MAP2K4: variants seen among roughly 807,000 people sequenced by gnomAD.
MAP2K4 encodes the protein dual specificity mitogen-activated protein kinase kinase 4.
Under a neutral mutation model 48.5 loss-of-function variants are expected in MAP2K4, and 4 were observed. That is an observed-to-expected ratio of 0.08 (90% CI 0.04 to 0.19). The LOEUF is 0.19. Ranked by LOEUF, MAP2K4 falls within the 10% of genes least tolerant of loss-of-function variation. The pLI, the probability that MAP2K4 is intolerant of heterozygous loss-of-function variation, is 1.00. For synonymous variants in MAP2K4, 166 were observed against 173.1 expected, an observed-to-expected ratio of 0.96 and a Z score of 0.32; for missense variants, 258 against 493.3, an observed-to-expected ratio of 0.52 and a Z score of 4.52.
chr17:12,108,072 A>G (rs1972182100), intron 5 of MAP2K4, among the ~76,000 whole-genome samples, 163 bp downstream of exon 5: 1 of 152,294 alleles, frequency 6.6e-6, no homozygotes, highest in South Asian at 2.1e-4. Flanking sequence ...AGTTAACACA[A>G]TAGGTCATAA....
chr17:12,104,706 T>C (rs146925213), intron 4 of MAP2K4, among the ~76,000 whole-genome samples: 4 of 152,284 alleles, frequency 2.6e-5, no homozygotes, highest in Admixed American at 1.3e-4. Context: ...TTTAAACTTT[T>C]GGTATGTTGT....
Position 12,049,007 on chromosome 17 carries a change from G to A in MAP2K4, c.116-5882G>A, listed in dbSNP as rs535257910. Among the ~76,000 whole-genome samples, 8 of 152,198 alleles carry A rather than the reference G, an allele frequency of 5.3e-5. No homozygotes were observed. In the East Asian group the frequency reaches 1.4e-3, roughly 26 times the overall value. On this transcript the variant is annotated intron_variant, in intron 1 of 10. Coordinates refer to ENST00000353533, the MANE Select transcript of MAP2K4 (RefSeq NM_003010.4). ...ATGAAATATTAGGTCTCTCATTACC[G>A]TAGTAATTTAGGGAGAAAAGAGAAT...
intron 3 of MAP2K4, 40 bp from the exon 4 acceptor site, chr17:12,095,535 T>A: frequency 6.2e-7 from 1 of 1,611,706 alleles, no homozygotes; most frequent in Non-Finnish European, 8.5e-7. Context: ...TTTGACAAAA[T>A]TATTGTGTTT....
At chr17:12,116,803 G>C (rs1567668169) in intron 7 of MAP2K4, among the ~76,000 whole-genome samples, 1 of 152,128 alleles carries the variant, frequency 6.6e-6, no homozygotes, top group Non-Finnish European at 1.5e-5. Context: ...TGAAAGACCT[G>C]CCAGAAGCTG....
chr17:12,042,547 G>A (rs1214765498), intron 1 of MAP2K4, among the ~76,000 whole-genome samples: 1 of 151,972 alleles, frequency 6.6e-6, no homozygotes, highest in African/African-American at 2.4e-5. Context: ...AGGCTGAGGT[G>A]GGAGTATCGC....
Position 12,020,943 on chromosome 17 carries a change from C to T in MAP2K4, c.57C>T (p.Gly19=). The change falls in exon 1 of 11, where the codon GGC becomes GGT. Residue 19 remains glycine, a synonymous_variant. Coordinates refer to ENST00000353533, the MANE Select transcript of MAP2K4 (RefSeq NM_003010.4). Reference sequence around the variant, plus strand: ...GCTCCGGGGGCGGCAGCGGCAGCGGCACCCCCGGCCCCGTAGGGTCCCCGG... The same window carrying T: ...GCTCCGGGGGCGGCAGCGGCAGCGGTACCCCCGGCCCCGTAGGGTCCCCGG... ...GGGSGGGSGS[G]TPGPVGSPAP... is the part of the protein sequence containing the mutation. 4.9e-6 allele frequency: 6 copies of T among 1,217,244 alleles called. No homozygotes were observed. Among genetic ancestry groups the T allele is most frequent in the Non-Finnish European group, 6.1e-6 (6 of 978,842 alleles). 75.4% of individuals were successfully genotyped at this position (1,217,244 alleles called of 1,614,324 possible). A position where few individuals can be genotyped will look rare whatever the true frequency, so the allele number is the denominator to read the frequency against.
At chr17:12,057,105 G>GT (rs1970302981) in intron 2 of MAP2K4, among the ~76,000 whole-genome samples, 1 of 151,980 alleles carries the variant, frequency 6.6e-6, no homozygotes, top group Non-Finnish European at 1.5e-5. Context: ...AAAAAAAATT[G>GT]TAAGACAGTG....
chr17:12,080,670 A>C (rs1385911813), intron 2 of MAP2K4, among the ~76,000 whole-genome samples: 7 of 152,152 alleles, frequency 4.6e-5, no homozygotes, highest in Non-Finnish European at 8.8e-5. Context: ...CCAGCTAGCT[A>C]TTCAGTTAAC....
In MAP2K4 at chr17:12,081,626, T is replaced by A; in HGVS notation, c.393+96T>A. 7.9e-7 allele frequency: 1 copy of A among 1,263,728 alleles called. No individual in the cohort carries two copies. The highest frequency in any genetic ancestry group is 1.1e-6 in the Non-Finnish European group (1 of 905,554). The allele number at this position is 1,263,728 out of a possible 1,614,324, so 78.3% of individuals were successfully genotyped here. Reference sequence around the variant, plus strand: ...TGTTGTTGTGTTCCTACTTTTGTGGTAAATGTGGGTGTTTAAAAAATTGTT... The same window carrying A: ...TGTTGTTGTGTTCCTACTTTTGTGGAAAATGTGGGTGTTTAAAAAATTGTT... On this transcript the variant is annotated intron_variant, in intron 3 of 10. Coordinates refer to ENST00000353533, the MANE Select transcript of MAP2K4 (RefSeq NM_003010.4). This position sits in a 1 kb window ranked among gnomAD's most constrained non-coding sequence, Gnocchi z 4.2.
intron 2 of MAP2K4, among the ~76,000 whole-genome samples, chr17:12,063,191 G>A (rs923322724): frequency 2.0e-5 from 3 of 152,018 alleles, no homozygotes; most frequent in African/African-American, 7.3e-5. Flanking sequence ...GTAAGTTGGG[G>A]GACTTAAAAC....
chr17:12,136,514 A>G (rs1393674782), intron 9 of MAP2K4, among the ~76,000 whole-genome samples: 1 of 152,258 alleles, frequency 6.6e-6, no homozygotes, highest in Non-Finnish European at 1.5e-5. Context: ...TGCTCTGTCT[A>G]GTGTGGTAGC....
chr17:12,095,940 G>C (rs778047883), intron 4 of MAP2K4, among the ~76,000 whole-genome samples: 21 of 142,932 alleles, frequency 1.5e-4, no homozygotes, highest in Non-Finnish European at 2.8e-4. Flanking sequence ...TTTTAGTATT[G>C]GTGGCTGTCA....
Position 12,097,730 on chromosome 17 carries a change from A to G in MAP2K4, c.513+2036A>G, listed in dbSNP as rs78055340. On this transcript the variant is annotated intron_variant, in intron 4 of 10. Transcript: ENST00000353533. ...TTTTCCAGATAGGAAAATGAAATTT[A>G]GTGTGTTTGACAAAAGTTACACAGC... is the stretch of plus-strand genomic sequence containing the variant. 2.0e-4 allele frequency among the ~76,000 whole-genome samples: 31 copies of G among 152,364 alleles called. No individual in the cohort carries two copies. The East Asian group carries it at 5.8e-3, about 28-fold the overall frequency.
At chr17:12,094,987 G>C (rs1040542150) in intron 3 of MAP2K4, among the ~76,000 whole-genome samples, 17 of 152,164 alleles carry the variant, frequency 1.1e-4, no homozygotes, top group African/African-American at 4.1e-4. Context: ...TGCAGTTAAA[G>C]GACAGAGTCC....
chr17:12,140,036 T>A (rs1444952869), intron 10 of MAP2K4, 152 bp downstream of exon 10: 1 of 540,924 alleles, frequency 1.8e-6, no homozygotes, highest in Non-Finnish European at 3.2e-6. Flanking sequence ...CACAAAGATT[T>A]GGAAAGAGAA....
intron 2 of MAP2K4, among the ~76,000 whole-genome samples, chr17:12,060,036 C>T (rs1421050236): frequency 6.6e-6 from 1 of 151,856 alleles, no homozygotes; most frequent in Non-Finnish European, 1.5e-5. Flanking sequence ...AAATTAGCCA[C>T]GTGTGATGGT....
chr17:12,088,896 T>C (rs1196999338), intron 3 of MAP2K4, among the ~76,000 whole-genome samples: 3 of 149,878 alleles, frequency 2.0e-5, no homozygotes, highest in African/African-American at 4.9e-5. Flanking sequence ...TTACTTGAAA[T>C]ACAGAATACA....
chr17:12,077,154 T>G (rs144027051), intron 2 of MAP2K4, among the ~76,000 whole-genome samples: 2 of 152,192 alleles, frequency 1.3e-5, no homozygotes, highest in African/African-American at 4.8e-5. Flanking sequence ...AAATGACCCC[T>G]GAAAGTATAG....
At chr17:12,097,901 G>C (rs905866909) in intron 4 of MAP2K4, among the ~76,000 whole-genome samples, 4 of 152,114 alleles carry the variant, frequency 2.6e-5, no homozygotes, top group African/African-American at 9.7e-5. Context: ...TGAAGGCTTA[G>C]GAACTACACA....
Sources: allele counts gnomAD v4.1 joint callset (sites outside exome capture counted in the v4.1 genomes callset), GRCh38; gene constraint gnomAD v4.1.1; non-coding constraint Gnocchi (gnomAD v3.1); transcripts MANE v1.5; gene names NCBI Gene and HGNC (gene_info 2026-07-23, HGNC 2026-07-21).